Variants in DPY19L1 observed in about 807,000 individuals in gnomAD.
DPY19L1 encodes the protein protein C-mannosyl-transferase DPY19L1.
DPY19L1 carries 35 observed loss-of-function variants against 96.9 expected under a neutral mutation model. The observed-to-expected ratio is 0.36, with a 90% CI of 0.28 to 0.48. The LOEUF (loss-of-function observed/expected upper bound fraction) is 0.48, where lower values mean the gene tolerates loss of function less well. Ranked by LOEUF, DPY19L1 falls within the 20% of genes least tolerant of loss-of-function variation. DPY19L1 has a pLI of 0.99. For missense variants in DPY19L1, 521 were observed against 777.9 expected, an observed-to-expected ratio of 0.67 and a Z score of 3.93; for synonymous variants, 205 against 252.6, an observed-to-expected ratio of 0.81 and a Z score of 1.79.
rs1490079502 is a variant in DPY19L1, at chr7:35,037,077, C to G, written c.298+20G>C. The G allele has an allele frequency of 3.7e-5, 8 of 216,090 alleles. No individual in the cohort carries two copies. Among genetic ancestry groups the G allele is most frequent in the Non-Finnish European group, 7.4e-5 (8 of 108,822 alleles). The allele number at this position is 216,090 out of a possible 1,614,324, so 13.4% of individuals were successfully genotyped here. On this transcript the variant is annotated intron_variant, in intron 1 of 21. Coordinates refer to ENST00000638088, the MANE Select transcript of DPY19L1 (RefSeq NM_001366673.1). ...CTCAAAGTTCCGCGTCCCGGCGGCG[C>G]CGGCGCTAGGGCTGCTCACCTAACA...
At chr7:35,027,268 C>T (rs1221660251) in intron 1 of DPY19L1, among the ~76,000 whole-genome samples, 2 of 151,980 alleles carry the variant, frequency 1.3e-5, no homozygotes, top group East Asian at 1.9e-4. Flanking sequence ...TAGCACTTAA[C>T]GACCTTGAGT....
chr7:35,020,890 G>A (rs754876582), intron 1 of DPY19L1, among the ~76,000 whole-genome samples: 22 of 151,976 alleles, frequency 1.4e-4, no homozygotes, highest in Non-Finnish European at 2.5e-4. Flanking sequence ...TGTATTTTCA[G>A]GAGAGATAAG....
intron 9 of DPY19L1, among the ~76,000 whole-genome samples, chr7:34,967,207 C>T (rs1784630075): frequency 6.6e-6 from 1 of 152,118 alleles, no homozygotes; most frequent in South Asian, 2.1e-4. Flanking sequence ...TCTACTTTGT[C>T]AACTGTCCAA....
chr7:35,006,688 C>T (rs574353844), intron 6 of DPY19L1, among the ~76,000 whole-genome samples: 12 of 152,060 alleles, frequency 7.9e-5, no homozygotes, highest in African/African-American at 2.9e-4. Flanking sequence ...AGAATTATAC[C>T]ATGAGTAGGC....
intron 19 of DPY19L1, among the ~76,000 whole-genome samples, chr7:34,939,612 G>T (rs899448253): frequency 6.6e-6 from 1 of 152,140 alleles, no homozygotes; most frequent in African/African-American, 2.4e-5. Flanking sequence ...CATCATTAAA[G>T]ATTTCTTTCT....
chr7:35,017,493 C>T (rs1785882666), intron 3 of DPY19L1, among the ~76,000 whole-genome samples: 2 of 28,270 alleles, frequency 7.1e-5, no homozygotes, highest in South Asian at 1.5e-3. Context: ...CAGAGCGAGA[C>T]TCCGTCTCAA....
intron 21 of DPY19L1, among the ~76,000 whole-genome samples, chr7:34,937,279 C>T (rs1179181074): frequency 1.3e-5 from 2 of 152,098 alleles, no homozygotes; most frequent in Non-Finnish European, 2.9e-5. Context: ...ATGTGAAACA[C>T]CAGGAAAGAA....
At chr7:35,010,951 TTAC>T (rs1473391855) in intron 5 of DPY19L1, among the ~76,000 whole-genome samples, 4 of 152,174 alleles carry the variant, frequency 2.6e-5, no homozygotes, top group Admixed American at 2.6e-4. Context: ...AGGAAAAGCC[TTAC>T]TACTACTCTG....
chr7:34,984,690 C>T (rs999282330), intron 7 of DPY19L1, among the ~76,000 whole-genome samples: 6 of 152,162 alleles, frequency 3.9e-5, no homozygotes, highest in African/African-American at 1.4e-4. Flanking sequence ...ACATCTTGTA[C>T]TTACACTGTT....
At chr7:34,979,524 A>G (rs561659870) in intron 7 of DPY19L1, among the ~76,000 whole-genome samples, 2 of 152,242 alleles carry the variant, frequency 1.3e-5, no homozygotes, top group East Asian at 1.9e-4. Flanking sequence ...CTCTTAGGAG[A>G]AAAATAACTG....
intron 5 of DPY19L1, among the ~76,000 whole-genome samples, chr7:35,010,765 G>T (rs1785691245): frequency 1.3e-5 from 2 of 152,132 alleles, no homozygotes; most frequent in Non-Finnish European, 2.9e-5. Context: ...TTAAAACAGG[G>T]CTGCAAATTC....
chr7:35,032,813 T>G (rs192466895), intron 1 of DPY19L1, among the ~76,000 whole-genome samples: 112 of 152,170 alleles, frequency 7.4e-4, no homozygotes, highest in Non-Finnish European at 1.5e-3. Context: ...CATAACTCCT[T>G]CCTTTCCCTC....
intron 7 of DPY19L1, among the ~76,000 whole-genome samples, chr7:34,982,473 A>G (rs1784960039): frequency 2.0e-5 from 3 of 152,242 alleles, no homozygotes; most frequent in Admixed American, 2.0e-4. Context: ...CATTTCTGTA[A>G]GTTTCAATTT....
intron 13 of DPY19L1, among the ~76,000 whole-genome samples, chr7:34,954,347 C>T (rs1256106317): frequency 3.3e-5 from 5 of 152,048 alleles, no homozygotes; most frequent in East Asian, 1.9e-4. Flanking sequence ...GACTATAATA[C>T]GATCTCCAAT....
intron 14 of DPY19L1, 98 bp downstream of exon 14, chr7:34,949,698 AG>A: frequency 1.3e-6 from 1 of 742,048 alleles, no homozygotes; most frequent in Non-Finnish European, 2.2e-6. Flanking sequence ...CTTCAAACTG[AG>A]ATAACAGCAC....
intron 21 of DPY19L1, among the ~76,000 whole-genome samples, chr7:34,933,459 T>C (rs951098131): frequency 1.3e-5 from 2 of 152,214 alleles, no homozygotes; most frequent in Admixed American, 1.3e-4. Flanking sequence ...ATAGATGCTG[T>C]GATGGTCAGT....
chr7:34,988,476 T>C (rs1372044489), intron 7 of DPY19L1, among the ~76,000 whole-genome samples: 1 of 152,014 alleles, frequency 6.6e-6, no homozygotes, highest in African/African-American at 2.4e-5. Context: ...ACTGATGTCA[T>C]GTTGCAACCA....
chr7:34,947,485 G>C (rs1562802221), intron 15 of DPY19L1, 145 bp downstream of exon 15: 2 of 612,666 alleles, frequency 3.3e-6, no homozygotes, highest in Non-Finnish European at 5.6e-6. Flanking sequence ...TCTATCAAAA[G>C]CTATCATTAA....
intron 10 of DPY19L1, among the ~76,000 whole-genome samples, chr7:34,964,906 T>C (rs1272787236): frequency 1.3e-5 from 2 of 152,070 alleles, no homozygotes; most frequent in East Asian, 3.8e-4. Context: ...ATGAAGGGCA[T>C]ATAAACAAAC....
Sources: gnomAD v4.1 joint callset for allele counts (sites outside exome capture counted in the v4.1 genomes callset) on GRCh38, gnomAD v4.1.1 for gene constraint, MANE v1.5 for transcripts, NCBI Gene and HGNC (gene_info 2026-07-23, HGNC 2026-07-21) for gene names.